CELF2: variants seen among roughly 807,000 people sequenced by gnomAD.
The protein encoded by CELF2 is CUG triplet repeat RNA-binding protein 2.
In CELF2, 8 loss-of-function variants were observed where a neutral mutation model predicts 62.6. That is an observed-to-expected ratio of 0.13 (90% CI 0.07 to 0.23). The LOEUF (loss-of-function observed/expected upper bound fraction) is 0.23. CELF2 is among the 10% of genes least tolerant of loss of function. CELF2 has a pLI of 1.00. For missense variants in CELF2, 333 were observed against 671.0 expected (o/e 0.50, Z 5.56); for synonymous variants, 258 against 250.0 (o/e 1.03, Z -0.30).
the CELF2 span, among the ~76,000 whole-genome samples, chr10:10,620,587 C>T: frequency 2.0e-5 from 3 of 151,766 alleles, no homozygotes; most frequent in Non-Finnish European, 2.9e-5. Context: ...GGCCGGTAGA[C>T]AATCCCCTTC....
In CELF2 at chr10:11,140,584, A is replaced by G. The variant is rs77122322; in HGVS notation, c.75-24902A>G. Among the ~76,000 whole-genome samples the G allele has an allele frequency of 3.7e-3, 563 of 152,286 alleles. 2 individuals carry two copies. Among genetic ancestry groups the G allele is most frequent in the African/African-American group, 0.013 (537 of 41,550 alleles). ...TGAGCATGTGAATTTTTAATTATGAATAAGTTTTGGTATATTGGAAAAAAG... is the reference window on the plus strand; with the variant it reads ...TGAGCATGTGAATTTTTAATTATGAGTAAGTTTTGGTATATTGGAAAAAAG... On this transcript the variant is annotated intron_variant, in intron 1 of 12. Transcript: ENST00000633077.
chr10:10,503,506 G>A, the CELF2 span, among the ~76,000 whole-genome samples: 2 of 151,646 alleles, frequency 1.3e-5, no homozygotes, highest in Admixed American at 6.6e-5. Context: ...TTCTTTGCTT[G>A]GAAATCAGAT....
chr10:10,622,347 G>A, the CELF2 span, among the ~76,000 whole-genome samples: 17 of 152,236 alleles, frequency 1.1e-4, no homozygotes, highest in East Asian at 1.9e-3. Context: ...GGTGGCTCAC[G>A]CCTGTAATCT....
chr10:11,165,203 T>C lies in CELF2; in HGVS notation c.75-283T>C, dbSNP rs1596458665. 1 of 1,273,982 alleles carries C rather than the reference T, an allele frequency of 7.8e-7. No homozygotes were observed. Among genetic ancestry groups the C allele is most frequent in the South Asian group, 1.8e-5 (1 of 54,950 alleles). 78.9% of individuals were successfully genotyped at this position (1,273,982 alleles called of 1,614,324 possible). A position where few individuals can be genotyped will look rare whatever the true frequency, so the allele number is the denominator to read the frequency against. On this transcript the variant is annotated intron_variant, in intron 1 of 12. Transcript: ENST00000633077. The surrounding 1 kb of genome is among the most constrained non-coding windows in gnomAD (Gnocchi z 7.4). ...TTAACTTGCAGCTGCCTCCCGAGCC[T>C]CCAAGATGTCCACGCCCTGGGTGAC...
chr10:10,579,866 C>T, the CELF2 span, among the ~76,000 whole-genome samples: 1 of 151,850 alleles, frequency 6.6e-6, no homozygotes, highest in Admixed American at 6.6e-5. Context: ...CACACACATG[C>T]ACACACTCCC....
the CELF2 span, among the ~76,000 whole-genome samples, chr10:10,700,943 G>A: frequency 1.3e-5 from 2 of 152,122 alleles, no homozygotes; most frequent in African/African-American, 2.4e-5. Context: ...ACTCTCCTAC[G>A]CCTCCACCTA....
chr10:10,619,695 C>A, the CELF2 span, among the ~76,000 whole-genome samples: 2 of 152,170 alleles, frequency 1.3e-5, no homozygotes, highest in African/African-American at 4.8e-5. Flanking sequence ...AGGCAGAAAA[C>A]GTCGTATTAT....
the CELF2 span, among the ~76,000 whole-genome samples, chr10:10,565,500 T>C: frequency 2.6e-5 from 4 of 152,224 alleles, no homozygotes; most frequent in African/African-American, 4.8e-5. Context: ...ATCCTTAATC[T>C]GTCTAGCCCT....
the CELF2 span, among the ~76,000 whole-genome samples, chr10:10,729,504 A>G: frequency 2.0e-5 from 3 of 152,226 alleles, no homozygotes; most frequent in East Asian, 5.8e-4. Flanking sequence ...GTGGTTAATT[A>G]TTCCTAATAA....
chr10:10,847,068 G>A (rs1284614790), intron 1 of CELF2, among the ~76,000 whole-genome samples: 1 of 152,018 alleles, frequency 6.6e-6, no homozygotes, highest in South Asian at 2.1e-4. Context: ...TGAAGAGGGT[G>A]TTGTAAAGTA....
chr10:11,151,533 C>T (rs1200839118), intron 1 of CELF2, among the ~76,000 whole-genome samples: 1 of 152,062 alleles, frequency 6.6e-6, no homozygotes, highest in Non-Finnish European at 1.5e-5. Context: ...TGGACTCTAC[C>T]ATCACCTTAT....
the CELF2 span, among the ~76,000 whole-genome samples, chr10:10,549,814 A>G: frequency 9.5e-4 from 144 of 152,170 alleles, 3 homozygotes; most frequent in Non-Finnish European, 4.1e-4. Context: ...ACTTCAACGT[A>G]TGAATTTTGA....
the CELF2 span, among the ~76,000 whole-genome samples, chr10:10,527,136 G>T: frequency 1.3e-5 from 2 of 152,172 alleles, no homozygotes; most frequent in Admixed American, 1.3e-4. Context: ...CCGTGGAGCT[G>T]ACCTGCTCTT....
chr10:10,554,835 G>A, the CELF2 span, among the ~76,000 whole-genome samples: 1 of 152,152 alleles, frequency 6.6e-6, no homozygotes, highest in Admixed American at 6.5e-5. Context: ...ACATTGCAAT[G>A]CCTGAAACTC....
At chr10:11,208,589 C>T (rs1204856058) in intron 2 of CELF2, among the ~76,000 whole-genome samples, 1 of 152,224 alleles carries the variant, frequency 6.6e-6, no homozygotes, top group Non-Finnish European at 1.5e-5. Flanking sequence ...AGGACCTTCC[C>T]TGGAATGGGG....
chr10:10,578,704 T>C, the CELF2 span, among the ~76,000 whole-genome samples: 1 of 152,196 alleles, frequency 6.6e-6, no homozygotes, highest in East Asian at 1.9e-4. Context: ...GATATTCTAC[T>C]TTCATTACGT....
intron 9 of CELF2, among the ~76,000 whole-genome samples, chr10:11,289,436 G>A (rs184220059): frequency 2.0e-5 from 3 of 152,270 alleles, no homozygotes; most frequent in East Asian, 1.9e-4. Flanking sequence ...CCCACTCCAC[G>A]CTGGCTGTTT....
At chr10:11,180,867 GTTTA>G (rs57173187) in intron 2 of CELF2, among the ~76,000 whole-genome samples, 17 of 151,902 alleles carry the variant, frequency 1.1e-4, no homozygotes, top group Non-Finnish European at 2.2e-4. Context: ...GAATGAATGA[GTTTA>G]TTTATTTATT....
the CELF2 span, among the ~76,000 whole-genome samples, chr10:10,550,344 G>C: frequency 6.6e-6 from 1 of 152,172 alleles, no homozygotes; most frequent in Non-Finnish European, 1.5e-5. Flanking sequence ...TTGGCCTGCT[G>C]CCTCTGGGGT....
Sources: allele counts gnomAD v4.1 joint callset (sites outside exome capture counted in the v4.1 genomes callset), GRCh38; gene constraint gnomAD v4.1.1; non-coding constraint Gnocchi (gnomAD v3.1); transcripts MANE v1.5; gene names NCBI Gene and HGNC (gene_info 2026-07-23, HGNC 2026-07-21).